The following ITPR3 variants were observed in gnomAD, a reference collection of about 807,000 sequenced individuals.
ITPR3 encodes the protein inositol 1,4,5-trisphosphate-gated calcium channel ITPR3.
In ITPR3, 173 loss-of-function variants were observed where a neutral mutation model predicts 293.2. The ratio of observed to expected loss-of-function variants is 0.59; its 90% CI spans 0.52 to 0.67. The LOEUF (loss-of-function observed/expected upper bound fraction) is 0.67, where lower values mean the gene tolerates loss of function less well. Among genes scored for constraint, ITPR3 ranks in the 30% least tolerant of loss-of-function variants. The pLI is 0.00. For synonymous variants in ITPR3, 1,295 were observed against 1,444.4 expected (o/e 0.90, Z 2.35); for missense variants, 2,796 against 3,592.1 (o/e 0.78, Z 5.66).
intron 1 of ITPR3, among the ~76,000 whole-genome samples, chr6:33,636,688 G>A (rs1012675171): frequency 1.3e-5 from 2 of 151,984 alleles, no homozygotes; most frequent in Admixed American, 1.3e-4. Flanking sequence ...CTGAGTTTGC[G>A]ATGTCTGTGG....
intron 1 of ITPR3, among the ~76,000 whole-genome samples, chr6:33,631,913 C>T (rs778820824): frequency 1.3e-5 from 2 of 152,182 alleles, no homozygotes; most frequent in African/African-American, 2.4e-5. Context: ...ACCGGTTATT[C>T]CTAGGTTATA....
rs1765123280 is a variant in ITPR3 at position 33,683,117 on chromosome 6, G to A, written c.4598-90G>A. 3 of 994,192 alleles carry A rather than the reference G, an allele frequency of 3.0e-6. No homozygotes were observed. The highest frequency in any genetic ancestry group is 4.3e-6 in the Non-Finnish European group (3 of 700,990). 61.6% of individuals were successfully genotyped at this position (994,192 alleles called of 1,614,324 possible). ...CCAGACCCTTGGTCTAGTTCACTCTGTCTCCTGGTGTGGCAGCCCTGAGCC... is the reference window on the plus strand; with the variant it reads ...CCAGACCCTTGGTCTAGTTCACTCTATCTCCTGGTGTGGCAGCCCTGAGCC... On this transcript the variant is annotated intron_variant, in intron 34 of 57. Transcript: ENST00000605930. This position sits in a 1 kb window ranked among gnomAD's most constrained non-coding sequence, Gnocchi z 4.5.
At chr6:33,646,244 C>T (rs925789508) in intron 2 of ITPR3, among the ~76,000 whole-genome samples, 1 of 152,078 alleles carries the variant, frequency 6.6e-6, no homozygotes, top group African/African-American at 2.4e-5. Flanking sequence ...CTCACTCAAC[C>T]TCCTTTCCCC....
chr6:33,662,792 G>A (rs1764507022), intron 8 of ITPR3, 118 bp downstream of exon 8: 1 of 1,498,026 alleles, frequency 6.7e-7, no homozygotes, highest in African/African-American at 1.4e-5. Flanking sequence ...TCCCTCCAGA[G>A]TCAAAAGGCC....
At position 33,655,747 on chromosome 6, in the gene ITPR3, C is replaced by G. The variant is rs772274152; in HGVS notation, c.161-19C>G. 1 of 1,613,932 alleles carries G rather than the reference C, an allele frequency of 6.2e-7. No homozygotes were observed. The highest frequency in any genetic ancestry group is 8.5e-7 in the Non-Finnish European group (1 of 1,179,912). On this transcript the variant is annotated intron_variant, in intron 2 of 57. Transcript: ENST00000605930. This position sits in a 1 kb window ranked among gnomAD's most constrained non-coding sequence, Gnocchi z 4.9. ...CCCAGATGAATCATTCCCCTCACCC[C>G]CAACCTGCCCCACCACAGACTGCCT...
rs951119006 is a variant in ITPR3, at chr6:33,676,663, G to A, written c.3283-105G>A. On this transcript the variant is annotated intron_variant, in intron 25 of 57. Coordinates refer to ENST00000605930, the MANE Select transcript of ITPR3 (RefSeq NM_002224.4). ...TCGGCTCGGTGGAGAGGGACAGGTG[G>A]TGGTCTACAGGAGGGGAACCCTAGA... 4 of 1,320,656 alleles carry A rather than the reference G, an allele frequency of 3.0e-6. No individual in the cohort carries two copies. The African/African-American group carries it at 4.4e-5, about 14-fold the overall frequency. The allele number at this position is 1,320,656 out of a possible 1,614,324, so 81.8% of individuals were successfully genotyped here.
chr6:33,638,441 G>A lies in ITPR3; in HGVS notation c.90-2043G>A, dbSNP rs988611473. 3.9e-5 allele frequency among the ~76,000 whole-genome samples: 6 copies of A among 152,200 alleles called. No individual in the cohort carries two copies. Among genetic ancestry groups the A allele is most frequent in the African/African-American group, 1.4e-4 (6 of 41,438 alleles). ...CAAATTACACGGTTATTCCCCGGCA[G>A]CCCCATCCTCAGGGGCTTTCCAAAA... On this transcript the variant is annotated intron_variant, in intron 1 of 57. Coordinates refer to ENST00000605930, the MANE Select transcript of ITPR3 (RefSeq NM_002224.4). This position sits in a 1 kb window ranked among gnomAD's most constrained non-coding sequence, Gnocchi z 4.3.
chr6:33,684,463 C>A lies in ITPR3; in HGVS notation c.5044C>A (p.Arg1682=). ...MLLKKTKYGD[R]GNQLRKMLLQ... ...GCTCAAGAAGACCAAGTACGGGGAC[C>A]GGGTGAGTGCCCTGGTGGGGCAAGT... Residue 1682 remains arginine (R), a splice_region_variant and synonymous_variant, in exon 37 of 58, where the codon CGG becomes AGG. Transcript: ENST00000605930. The surrounding 1 kb of genome is among the most constrained non-coding windows in gnomAD (Gnocchi z 4.2). 1.2e-6 allele frequency: 2 copies of A among 1,613,624 alleles called. No homozygotes were observed. Among genetic ancestry groups the A allele is most frequent in the Non-Finnish European group, 1.7e-6 (2 of 1,179,620 alleles).
intron 1 of ITPR3, among the ~76,000 whole-genome samples, chr6:33,627,623 T>TA (rs1763577624): frequency 6.6e-6 from 1 of 152,248 alleles, no homozygotes. Context: ...TCTCAGGTAA[T>TA]ACGTTCCCAG....
chr6:33,694,805 C>A, intron 56 of ITPR3, 119 bp from the exon 57 acceptor site: 1 of 1,280,038 alleles, frequency 7.8e-7, no homozygotes, highest in Non-Finnish European at 1.1e-6. Context: ...ATGACACATC[C>A]CTGACGAGTA....
At position 33,624,005 on chromosome 6, in the gene ITPR3, C is replaced by T. The variant is rs1561846055; in HGVS notation, c.89+2314C>T. On this transcript the variant is annotated intron_variant, in intron 1 of 57. Transcript: ENST00000605930. The surrounding 1 kb of genome is among the most constrained non-coding windows in gnomAD (Gnocchi z 4.7). ...TGCACCACACGACTGCAACCTGTCC[C>T]GCGCTCTCAGTCTCTTTACCTTTGC... is the stretch of plus-strand genomic sequence containing the variant. 6.6e-6 allele frequency among the ~76,000 whole-genome samples: 1 copy of T among 152,210 alleles called. No homozygotes were observed.
At chr6:33,629,999 G>A (rs1763636975) in intron 1 of ITPR3, among the ~76,000 whole-genome samples, 2 of 152,214 alleles carry the variant, frequency 1.3e-5, no homozygotes, top group South Asian at 4.1e-4. Context: ...GCTGAGGCAG[G>A]AGAATCACTT....
rs1582141113 is a variant in ITPR3, at chr6:33,670,556, C to T, written c.2421C>T (p.Pro807=). Residue 807 remains proline (P), a synonymous_variant, in exon 19 of 58, where the codon CCC becomes CCT. Coordinates refer to ENST00000605930, the MANE Select transcript of ITPR3 (RefSeq NM_002224.4). The surrounding 1 kb of genome is among the most constrained non-coding windows in gnomAD (Gnocchi z 6.7). The part of the protein sequence containing the change: ...VKFARLWTEI[P]TAITIKDYDS... ...TTGCCCGTCTCTGGACTGAGATCCC[C>T]ACAGCCATCACCATCAAGGAGTGAG... 1.2e-6 allele frequency: 2 copies of T among 1,613,244 alleles called. No homozygotes were observed. The highest frequency in any genetic ancestry group is 1.7e-6 in the Non-Finnish European group (2 of 1,179,862).
At chr6:33,622,295 G>T (rs1763457299) in intron 1 of ITPR3, among the ~76,000 whole-genome samples, 1 of 152,138 alleles carries the variant, frequency 6.6e-6, no homozygotes, top group African/African-American at 2.4e-5. Context: ...CGGTCATCTG[G>T]CGCCCTTGGG....
Position 33,687,138 on chromosome 6 carries a change from C to T in ITPR3, c.6075+34C>T, listed in dbSNP as rs1393468070. The T allele has an allele frequency of 6.2e-7, 1 of 1,607,850 alleles. No individual in the cohort carries two copies. The highest frequency in any genetic ancestry group is 8.5e-7 in the Non-Finnish European group (1 of 1,175,032). On this transcript the variant is annotated intron_variant, in intron 44 of 57. Transcript: ENST00000605930. This position sits in a 1 kb window ranked among gnomAD's most constrained non-coding sequence, Gnocchi z 5.3. ...GGGCAGGTGGGCAGGCGGGCGGAAC[C>T]AGGTGGAGTGTGTTGGGATGGGGAT...
chr6:33,680,184 G>C (rs373622870), intron 31 of ITPR3, 51 bp downstream of exon 31: 19 of 1,597,304 alleles, frequency 1.2e-5, no homozygotes, highest in Non-Finnish European at 1.6e-5. Context: ...CGAAGGGGTG[G>C]GTAAAGCCAC....
chr6:33,693,540 C>T lies in ITPR3; in HGVS notation c.7625-5C>T, dbSNP rs770444873. On this transcript the variant is annotated splice_region_variant and splice_polypyrimidine_tract_variant and intron_variant, in intron 55 of 57. Coordinates refer to ENST00000605930, the MANE Select transcript of ITPR3 (RefSeq NM_002224.4). ...TGGTTTCATTCCCGCCCTCTGCACC[C>T]TCAGGTCTGGAGAGGGACAAGTTTG... is the stretch of plus-strand genomic sequence containing the variant. 31 of 1,613,722 alleles carry T rather than the reference C, an allele frequency of 1.9e-5. No homozygotes were observed. Among genetic ancestry groups the T allele is most frequent in the Non-Finnish European group, 2.6e-5 (31 of 1,179,850 alleles).
Position 33,687,011 on chromosome 6 carries a change from C to T in ITPR3, c.5982C>T (p.Asp1994=), listed in dbSNP as rs1765249423. Residue 1994 remains aspartate, a splice_region_variant and synonymous_variant, in exon 44 of 58, where the codon GAC becomes GAT. Coordinates refer to ENST00000605930, the MANE Select transcript of ITPR3 (RefSeq NM_002224.4). The surrounding 1 kb of genome is among the most constrained non-coding windows in gnomAD (Gnocchi z 5.3). ...YRMDLVLQLK[D]NASKLLLALM... is the part of the protein sequence containing the mutation. The stretch of plus-strand genomic sequence containing the variant: ...CCTCCCTCTGCCCCTCCACCCAGGA[C>T]AATGCCTCCAAGCTGCTCCTGGCTC... The T allele has an allele frequency of 6.2e-7, 1 of 1,613,658 alleles. No homozygotes were observed. The highest frequency in any genetic ancestry group is 8.5e-7 in the Non-Finnish European group (1 of 1,179,752).
chr6:33,684,282 C>T lies in ITPR3; in HGVS notation c.4938-75C>T. ...GTCAGAGGGCCTGGGGGTGTTCCTG[C>T]CTGGGATGGGGTGGGGAAGTAGCTG... is the stretch of plus-strand genomic sequence containing the variant. On this transcript the variant is annotated intron_variant, in intron 36 of 57. Coordinates refer to ENST00000605930, the MANE Select transcript of ITPR3 (RefSeq NM_002224.4). This position sits in a 1 kb window ranked among gnomAD's most constrained non-coding sequence, Gnocchi z 4.2. 1.3e-6 allele frequency: 2 copies of T among 1,593,232 alleles called. No individual in the cohort carries two copies. Among genetic ancestry groups the T allele is most frequent in the Non-Finnish European group, 1.7e-6 (2 of 1,163,262 alleles).
Sources: allele counts gnomAD v4.1 joint callset (sites outside exome capture counted in the v4.1 genomes callset), GRCh38; gene constraint gnomAD v4.1.1; non-coding constraint Gnocchi (gnomAD v3.1); transcripts MANE v1.5; gene names NCBI Gene and HGNC (gene_info 2026-07-23, HGNC 2026-07-21).